CDH7: variants seen among roughly 807,000 people sequenced by gnomAD.
CDH7 encodes the protein cadherin 7.
A neutral mutation model predicts 71.8 loss-of-function variants in CDH7; 25 were observed. The observed-to-expected ratio is 0.35, with a 90% CI of 0.25 to 0.49. The LOEUF (loss-of-function observed/expected upper bound fraction) is 0.49. Ranked by LOEUF, CDH7 falls within the 20% of genes least tolerant of loss-of-function variation. The pLI, the probability that CDH7 is intolerant of heterozygous loss-of-function variation, is 0.99. For missense variants in CDH7, 862 were observed against 974.6 expected, an observed-to-expected ratio of 0.88 and a Z score of 1.54; for synonymous variants, 381 against 363.8, an observed-to-expected ratio of 1.05 and a Z score of -0.54.
At chr18:65,804,956 G>A (rs1295282157) in intron 2 of CDH7, among the ~76,000 whole-genome samples, 2 of 151,992 alleles carry the variant, frequency 1.3e-5, no homozygotes, top group African/African-American at 4.8e-5. Context: ...GATACAGGAT[G>A]TTTTTTGTTT....
intron 11 of CDH7, among the ~76,000 whole-genome samples, chr18:65,868,211 C>G (rs2017885): frequency 0.62 from 94,545 of 152,072 alleles, 31,841 homozygotes; most frequent in East Asian, 0.92. Context: ...CTCTTTCAAA[C>G]AAGCATGAGC....
intron 4 of CDH7, among the ~76,000 whole-genome samples, chr18:65,821,879 G>A (rs546734495): frequency 7.2e-5 from 11 of 152,104 alleles, no homozygotes; most frequent in South Asian, 4.1e-4. Context: ...AGAAAACCAC[G>A]TTAATAATGT....
intron 11 of CDH7, among the ~76,000 whole-genome samples, chr18:65,869,289 T>C (rs149796920): frequency 1.2e-4 from 18 of 152,036 alleles, no homozygotes; most frequent in African/African-American, 4.3e-4. Context: ...TCCGTCAGTA[T>C]TTCAGAGTAA....
At position 65,843,940 on chromosome 18, in the gene CDH7, T is replaced by C. The variant is rs2306675; in HGVS notation, c.1110T>C (p.Asp370=). The C allele has an allele frequency of 0.31, 491,761 of 1,609,670 alleles. 80,169 individuals carry two copies. Among genetic ancestry groups the C allele is most frequent in the Non-Finnish European group, 0.34 (401,196 of 1,177,432 alleles). The part of the protein sequence containing the change: ...DTTTVKIIVE[D]VDEPPVFSSP... Reference sequence around the variant, plus strand: ...CAACTGTGAAGATAATTGTGGAAGATGTAGATGAGCCCCCTGTGTTCTCTT... The same window carrying C: ...CAACTGTGAAGATAATTGTGGAAGACGTAGATGAGCCCCCTGTGTTCTCTT... Residue 370 remains aspartate, a synonymous_variant, in exon 7 of 12, where the codon GAT becomes GAC. Transcript: ENST00000397968.
chr18:65,819,607 A>T (rs902109012), intron 4 of CDH7, among the ~76,000 whole-genome samples: 2 of 152,130 alleles, frequency 1.3e-5, no homozygotes, highest in African/African-American at 4.8e-5. Flanking sequence ...AAAAGGCTGT[A>T]ATGGAGAGAG....
intron 2 of CDH7, among the ~76,000 whole-genome samples, chr18:65,768,165 G>T (rs776434470): frequency 6.6e-6 from 1 of 150,968 alleles, no homozygotes; most frequent in Non-Finnish European, 1.5e-5. Context: ...ATCTACTTGC[G>T]TCCTATTTTG....
chr18:65,765,671 C>A (rs1274110947), intron 2 of CDH7, among the ~76,000 whole-genome samples: 2 of 152,020 alleles, frequency 1.3e-5, no homozygotes, highest in Non-Finnish European at 2.9e-5. Flanking sequence ...CATCCTAACA[C>A]AATCTAGCTA....
chr18:65,867,589 T>C (rs8088032), intron 11 of CDH7, among the ~76,000 whole-genome samples: 94,520 of 152,050 alleles, frequency 0.62, 31,834 homozygotes, highest in East Asian at 0.92. Flanking sequence ...TTAAATATTG[T>C]ACTCCTATTC....
Position 65,762,688 on chromosome 18 carries a change from G to A in CDH7, c.-155G>A. 1 of 614,786 alleles carries A rather than the reference G, an allele frequency of 1.6e-6. No homozygotes were observed. Among genetic ancestry groups the A allele is most frequent in the Admixed American group, 2.9e-5 (1 of 34,138 alleles). 38.1% of individuals were successfully genotyped at this position (614,786 alleles called of 1,614,324 possible). The stretch of plus-strand genomic sequence containing the variant: ...TCTTTGGCGAAGGCTATTCAGCAGT[G>A]GTGACCTCTTCCAATCCAACACTCT... On this transcript the variant is annotated 5_prime_UTR_variant, in exon 2 of 12. Coordinates refer to ENST00000397968, the MANE Select transcript of CDH7 (RefSeq NM_004361.5).
At chr18:65,794,186 G>A (rs1245705131) in intron 2 of CDH7, among the ~76,000 whole-genome samples, 2 of 148,066 alleles carry the variant, frequency 1.4e-5, no homozygotes, top group African/African-American at 5.0e-5. Flanking sequence ...TTTTTCTTTT[G>A]TGGTAGTATA....
At chr18:65,783,316 A>C (rs917678819) in intron 2 of CDH7, among the ~76,000 whole-genome samples, 2 of 152,236 alleles carry the variant, frequency 1.3e-5, no homozygotes, top group Non-Finnish European at 2.9e-5. Flanking sequence ...CAGAAAGATA[A>C]TTATAAGCAA....
At position 65,781,994 on chromosome 18, in the gene CDH7, CTT is replaced by C. The variant is rs1491222528; in HGVS notation, c.210+18944_210+18945del. Among the ~76,000 whole-genome samples the C allele has an allele frequency of 1.7e-4, 15 of 87,132 alleles. 2 individuals are homozygous for C. The highest frequency in any genetic ancestry group is 1.0e-3 in the African/African-American group (13 of 12,516). The allele number at this position is 87,132 out of a possible 152,430, so 57.2% of individuals were successfully genotyped here. A position where few individuals can be genotyped will look rare whatever the true frequency, so the allele number is the denominator to read the frequency against. On this transcript the variant is annotated intron_variant, in intron 2 of 11. Transcript: ENST00000397968. ...TCTCTCTCTCTCTCTCTCTTTCTCT[CTT>C]TCTCTCTTTCTCTCTTTCTCTCTCT...
intron 2 of CDH7, among the ~76,000 whole-genome samples, chr18:65,804,047 G>C (rs1457260271): frequency 6.6e-6 from 1 of 152,092 alleles, no homozygotes; most frequent in East Asian, 1.9e-4. Context: ...AAGTCAGTGA[G>C]CATCACAGAG....
At chr18:65,766,632 T>C (rs1916375957) in intron 2 of CDH7, among the ~76,000 whole-genome samples, 1 of 152,020 alleles carries the variant, frequency 6.6e-6, no homozygotes, top group African/African-American at 2.4e-5. Flanking sequence ...TTTTAAAAAA[T>C]AATAGTGCCC....
At chr18:65,762,056 C>G (rs1244898129) in intron 1 of CDH7, among the ~76,000 whole-genome samples, 1 of 152,176 alleles carries the variant, frequency 6.6e-6, no homozygotes, top group Non-Finnish European at 1.5e-5. Context: ...AAAATGGAAA[C>G]TACTGAGCTT....
At chr18:65,780,715 G>A (rs1481718394) in intron 2 of CDH7, among the ~76,000 whole-genome samples, 18 of 151,582 alleles carry the variant, frequency 1.2e-4, no homozygotes, top group East Asian at 1.2e-3. Flanking sequence ...TAGCCTTGTA[G>A]TGTAGTTTGA....
intron 1 of CDH7, among the ~76,000 whole-genome samples, chr18:65,757,604 C>T (rs78497115): frequency 0.023 from 3,474 of 151,722 alleles, 93 homozygotes; most frequent in African/African-American, 0.068. Context: ...ATTTTTTTTC[C>T]GTTTCAGATT....
intron 11 of CDH7, among the ~76,000 whole-genome samples, chr18:65,864,812 A>T (rs1913702374): frequency 6.6e-6 from 1 of 150,556 alleles, no homozygotes. Context: ...AATGGCGTGA[A>T]CCCAGGAGGC....
At chr18:65,753,289 A>G (rs1915936875) in intron 1 of CDH7, among the ~76,000 whole-genome samples, 1 of 152,218 alleles carries the variant, frequency 6.6e-6, no homozygotes, top group African/African-American at 2.4e-5. Flanking sequence ...TGTGTTGAGC[A>G]AATACTTTTT....
Sources: gnomAD v4.1 joint callset for allele counts (sites outside exome capture counted in the v4.1 genomes callset) on GRCh38, gnomAD v4.1.1 for gene constraint, MANE v1.5 for transcripts, NCBI Gene and HGNC (gene_info 2026-07-23, HGNC 2026-07-21) for gene names.